Variants in TRDN observed in about 807,000 individuals in gnomAD.
The protein encoded by TRDN is triadin in skeletal muscle.
In TRDN, 161 loss-of-function variants were observed where a neutral mutation model predicts 149.7. The ratio of observed to expected loss-of-function variants is 1.08; its 90% CI spans 0.95 to 1.23. The LOEUF is 1.23. TRDN is among the 50% of genes most tolerant of loss of function. TRDN has a pLI of 0.00. For missense variants in TRDN, 896 were observed against 823.5 expected (o/e 1.09, Z -1.08); for synonymous variants, 294 against 250.5 (o/e 1.17, Z -1.64).
intron 38 of TRDN, among the ~76,000 whole-genome samples, chr6:123,250,900 C>T (rs2114567375): frequency 6.6e-6 from 1 of 152,230 alleles, no homozygotes; most frequent in East Asian, 1.9e-4. Context: ...TTACTTCCCA[C>T]TTCTTTCCAA....
chr6:123,451,702 A>C (rs1475376438), intron 10 of TRDN, among the ~76,000 whole-genome samples: 1 of 152,134 alleles, frequency 6.6e-6, no homozygotes, highest in Non-Finnish European at 1.5e-5. Context: ...TTTTGACACT[A>C]TTCCACAAGA....
chr6:123,429,535 G>C (rs756174986), intron 12 of TRDN, among the ~76,000 whole-genome samples: 3 of 152,040 alleles, frequency 2.0e-5, no homozygotes, highest in African/African-American at 2.4e-5. Context: ...AAATTTGCCT[G>C]GATATTTCAC....
intron 12 of TRDN, among the ~76,000 whole-genome samples, chr6:123,407,852 T>A (rs996667225): frequency 2.0e-5 from 3 of 152,304 alleles, no homozygotes; most frequent in East Asian, 1.9e-4. Context: ...TTGAAAATTA[T>A]AGCAAAACAT....
intron 12 of TRDN, among the ~76,000 whole-genome samples, chr6:123,403,787 TAAAGA>T (rs1472503646): frequency 2.0e-5 from 3 of 151,104 alleles, no homozygotes; most frequent in Admixed American, 2.0e-4. Context: ...TTTTACTAAA[TAAAGA>T]AAAGTTTTGC....
At chr6:123,529,176 G>A in intron 5 of TRDN, 1 of 1,543,782 alleles carries the variant, frequency 6.5e-7, no homozygotes, top group South Asian at 1.2e-5. Context: ...AAAACAGCAG[G>A]GACCCAAATG....
At chr6:123,463,596 A>C (rs1049329066) in intron 10 of TRDN, among the ~76,000 whole-genome samples, 7 of 151,940 alleles carry the variant, frequency 4.6e-5, no homozygotes, top group African/African-American at 1.7e-4. Context: ...TGGAAACAAC[A>C]ACAGAATTAG....
rs1786237994 is a variant in TRDN at position 123,635,139 on chromosome 6, G to T, written c.22+1615C>A. ...GAAACAGAAGATTAAGACGCTCGTAGCTATCTTAATAACTTGTGCAGAGCT... is the reference window on the plus strand; with the variant it reads ...GAAACAGAAGATTAAGACGCTCGTATCTATCTTAATAACTTGTGCAGAGCT... On this transcript the variant is annotated intron_variant, in intron 1 of 40. Coordinates refer to ENST00000334268, the MANE Select transcript of TRDN (RefSeq NM_006073.4). 2.6e-5 allele frequency among the ~76,000 whole-genome samples: 4 copies of T among 151,992 alleles called. No homozygotes were observed. In the South Asian group the frequency reaches 8.3e-4, roughly 32 times the overall value.
At chr6:123,381,956 G>GCTCTCTCTTT (rs1781736151) in intron 15 of TRDN, among the ~76,000 whole-genome samples, 162 bp downstream of exon 15, 2 of 138,452 alleles carry the variant, frequency 1.4e-5, no homozygotes, top group African/African-American at 5.4e-5. Context: ...TAGATTTGGC[G>GCTCTCTCTTT]CTCTCTCTCT....
chr6:123,433,143 A>AAC (rs1774402108), intron 12 of TRDN, among the ~76,000 whole-genome samples: 1 of 96,438 alleles, frequency 1.0e-5, no homozygotes, highest in Non-Finnish European at 1.9e-5. Context: ...ACACATCATA[A>AAC]ATATATATAT....
At chr6:123,414,587 T>C (rs1773576249) in intron 12 of TRDN, among the ~76,000 whole-genome samples, 1 of 152,110 alleles carries the variant, frequency 6.6e-6, no homozygotes, top group African/African-American at 2.4e-5. Context: ...AGAAAATATA[T>C]GTGTAATAAT....
rs530892389 is a variant in TRDN, at chr6:123,396,712, G to A, written c.1052-3035C>T. On this transcript the variant is annotated intron_variant, in intron 12 of 40. Coordinates refer to ENST00000334268, the MANE Select transcript of TRDN (RefSeq NM_006073.4). ...TGTTTCAATGTCTTCTGATTCCACA[G>A]ATATGGAACAACCTGATTTACAAAA... is the stretch of plus-strand genomic sequence containing the variant. Among the ~76,000 whole-genome samples the A allele has an allele frequency of 3.3e-5, 5 of 152,246 alleles. No individual in the cohort carries two copies. In the East Asian group the frequency reaches 7.7e-4, roughly 23 times the overall value.
intron 10 of TRDN, among the ~76,000 whole-genome samples, chr6:123,452,705 C>T (rs1275900145): frequency 2.0e-5 from 3 of 151,972 alleles, no homozygotes; most frequent in Non-Finnish European, 4.4e-5. Context: ...CAATGCAATC[C>T]CCAACAAAAT....
At position 123,438,932 on chromosome 6, in the gene TRDN, T is replaced by G; in HGVS notation, c.991+12A>C. On this transcript the variant is annotated intron_variant, in intron 11 of 40. Coordinates refer to ENST00000334268, the MANE Select transcript of TRDN (RefSeq NM_006073.4). Reference sequence around the variant, plus strand: ...ATTGATTTATGTGGTACATGGCTTTTAAATTTCCTACCTTTCTTTTTTGTT... The same window carrying G: ...ATTGATTTATGTGGTACATGGCTTTGAAATTTCCTACCTTTCTTTTTTGTT... 1 of 1,552,480 alleles carries G rather than the reference T, an allele frequency of 6.4e-7. No individual in the cohort carries two copies. Among genetic ancestry groups the G allele is most frequent in the Non-Finnish European group, 8.7e-7 (1 of 1,146,858 alleles).
chr6:123,303,604 G>A (rs548655150), intron 24 of TRDN, among the ~76,000 whole-genome samples: 1 of 152,216 alleles, frequency 6.6e-6, no homozygotes, highest in South Asian at 2.1e-4. Context: ...TTTCAGTGAG[G>A]GACTGAGTGA....
chr6:123,487,958 T>C (rs115449132), intron 9 of TRDN, among the ~76,000 whole-genome samples: 8,858 of 152,208 alleles, frequency 0.058, 864 homozygotes, highest in African/African-American at 0.2. Context: ...AATGCCTAAG[T>C]CTAAACTTAT....
rs59703987 is a variant in TRDN at position 123,547,520 on chromosome 6, G to GT, written c.392-149dup. 0.022 allele frequency: 9,683 copies of GT among 435,904 alleles called. 177 individuals carry two copies. Among genetic ancestry groups the GT allele is most frequent in the African/African-American group, 0.066 (3,205 of 48,264 alleles). The allele number at this position is 435,904 out of a possible 1,614,324, so 27.0% of individuals were successfully genotyped here. A position where few individuals can be genotyped will look rare whatever the true frequency, so the allele number is the denominator to read the frequency against. ...ACATTACTTTGCTTCCCAAATTCCAGTTTTTAAGTATAAAGTTTGTTTATA... is the reference window on the plus strand; with the variant it reads ...ACATTACTTTGCTTCCCAAATTCCAGTTTTTTAAGTATAAAGTTTGTTTATA... On this transcript the variant is annotated intron_variant, in intron 3 of 40. Coordinates refer to ENST00000334268, the MANE Select transcript of TRDN (RefSeq NM_006073.4).
At chr6:123,329,482 G>A (rs1246336159) in intron 23 of TRDN, among the ~76,000 whole-genome samples, 1 of 152,090 alleles carries the variant, frequency 6.6e-6, no homozygotes, top group Non-Finnish European at 1.5e-5. Context: ...TCCAATATGT[G>A]TGAGATGGTG....
At chr6:123,290,868 A>C (rs1777986090) in intron 24 of TRDN, among the ~76,000 whole-genome samples, 1 of 152,198 alleles carries the variant, frequency 6.6e-6, no homozygotes, top group South Asian at 2.1e-4. Context: ...AAGAAAAAGT[A>C]CTTTCTGGCT....
intron 1 of TRDN, among the ~76,000 whole-genome samples, chr6:123,628,818 G>T (rs1427923148): frequency 6.6e-6 from 1 of 151,874 alleles, no homozygotes; most frequent in African/African-American, 2.4e-5. Flanking sequence ...GTACGTAATA[G>T]GTATTAAAAT....
Sources: gnomAD v4.1 joint callset for allele counts (sites outside exome capture counted in the v4.1 genomes callset) on GRCh38, gnomAD v4.1.1 for gene constraint, MANE v1.5 for transcripts, NCBI Gene and HGNC (gene_info 2026-07-23, HGNC 2026-07-21) for gene names.